EIF3L: variants seen among roughly 807,000 people sequenced by gnomAD.
EIF3L encodes the protein eIEF associated protein HSPC021.
Under a neutral mutation model 74.6 loss-of-function variants are expected in EIF3L, and 32 were observed. The observed-to-expected ratio is 0.43, with a 90% CI of 0.32 to 0.58. EIF3L has a LOEUF of 0.58. EIF3L is among the 20% of genes least tolerant of loss of function. The pLI is 0.06. For synonymous variants in EIF3L, 256 were observed against 254.4 expected, an observed-to-expected ratio of 1.01 and a Z score of -0.06; for missense variants, 474 against 707.8, an observed-to-expected ratio of 0.67 and a Z score of 3.75.
intron 10 of EIF3L, 200 bp downstream of exon 10, chr22:37,876,211 C>T (rs1380053566): frequency 3.7e-6 from 2 of 541,480 alleles, no homozygotes; most frequent in African/African-American, 3.8e-5. Flanking sequence ...CTCACGTCAG[C>T]CTCAACCTCC....
At position 37,888,699 on chromosome 22, in the gene EIF3L, G is replaced by A. The variant is rs1446875361; in HGVS notation, c.*235G>A. 3.6e-6 allele frequency: 2 copies of A among 555,362 alleles called. No homozygotes were observed. The highest frequency in any genetic ancestry group is 3.8e-5 in the African/African-American group (2 of 52,936). 34.4% of individuals were successfully genotyped at this position (555,362 alleles called of 1,614,324 possible). On this transcript the variant is annotated 3_prime_UTR_variant, in exon 13 of 13. Coordinates refer to ENST00000652021, the MANE Select transcript of EIF3L (RefSeq NM_016091.4). ...CAGTAATACATTTCCCATGTGTCCT[G>A]ATGCTTTCAGGATACATCAGTTGTT...
intron 11 of EIF3L, chr22:37,882,836 C>T (rs1464942368): frequency 6.6e-6 from 1 of 151,550 alleles, no homozygotes; most frequent in Non-Finnish European, 1.5e-5. Context: ...CCCATCTCTA[C>T]TAAAAATACA....
chr22:37,868,578 C>G (rs557374158), intron 7 of EIF3L, among the ~76,000 whole-genome samples: 1 of 149,674 alleles, frequency 6.7e-6, no homozygotes, highest in East Asian at 2.0e-4. Flanking sequence ...CTCAGCCTCC[C>G]GAGTAGCTGG....
At position 37,886,594 on chromosome 22, in the gene EIF3L, C is replaced by T. The variant is rs1927334164; in HGVS notation, c.1576-171C>T. The T allele has an allele frequency of 1.1e-5, 5 of 446,744 alleles. No homozygotes were observed. The Admixed American group carries it at 1.9e-4, about 17-fold the overall frequency. 27.7% of individuals were successfully genotyped at this position (446,744 alleles called of 1,614,324 possible). A position where few individuals can be genotyped will look rare whatever the true frequency, so the allele number is the denominator to read the frequency against. ...AAAAAAAAAAGAAAAGAAAAACTCT[C>T]TAGAAAGAGTGAGTTACTGTTAACT... On this transcript the variant is annotated intron_variant, in intron 11 of 12. Transcript: ENST00000652021.
chr22:37,878,294 G>C, intron 11 of EIF3L, 123 bp downstream of exon 11: 5 of 1,294,464 alleles, frequency 3.9e-6, no homozygotes, highest in Non-Finnish European at 5.2e-6. Flanking sequence ...GCTGCCACAA[G>C]GTGCCAGGTG....
At chr22:37,858,808 T>A in intron 5 of EIF3L, 68 bp downstream of exon 5, 2 of 1,355,940 alleles carry the variant, frequency 1.5e-6, no homozygotes, top group Non-Finnish European at 2.0e-6. Context: ...TTTTTGTCCC[T>A]AGAACACAGT....
chr22:37,866,342 C>A (rs1044056595), intron 7 of EIF3L, among the ~76,000 whole-genome samples: 1 of 152,154 alleles, frequency 6.6e-6, no homozygotes, highest in Non-Finnish European at 1.5e-5. Flanking sequence ...TTGTCAGTTT[C>A]CACAATTACA....
chr22:37,862,209 A>T (rs1037957628), intron 5 of EIF3L, among the ~76,000 whole-genome samples: 11 of 152,190 alleles, frequency 7.2e-5, no homozygotes, highest in African/African-American at 2.4e-4. Context: ...ACCTTGTGAG[A>T]ACCCCACAGT....
chr22:37,856,913 T>C (rs571198395), intron 4 of EIF3L, among the ~76,000 whole-genome samples: 145 of 151,376 alleles, frequency 9.6e-4, no homozygotes, highest in African/African-American at 2.9e-3. Context: ...TTTTTTTTTT[T>C]CCCCAAGATT....
chr22:37,886,879 T>C, intron 12 of EIF3L, 34 bp downstream of exon 12: 1 of 1,553,732 alleles, frequency 6.4e-7, no homozygotes, highest in African/African-American at 1.4e-5. Flanking sequence ...GTTTGTTGGC[T>C]CAGGACAGAG....
chr22:37,869,074 A>G (rs1211203333), intron 7 of EIF3L, among the ~76,000 whole-genome samples: 1 of 151,938 alleles, frequency 6.6e-6, no homozygotes, highest in Non-Finnish European at 1.5e-5. Context: ...CGTGCCTGGC[A>G]TATTCTTTGT....
intron 3 of EIF3L, among the ~76,000 whole-genome samples, chr22:37,853,172 A>G (rs1192831353): frequency 6.6e-6 from 1 of 152,176 alleles, no homozygotes; most frequent in Non-Finnish European, 1.5e-5. Context: ...CCTCACAAGA[A>G]AGAATTACAC....
chr22:37,853,409 A>G (rs894120039), intron 3 of EIF3L, among the ~76,000 whole-genome samples: 7 of 152,232 alleles, frequency 4.6e-5, no homozygotes, highest in Admixed American at 3.3e-4. Flanking sequence ...CTGAAAGGCA[A>G]GTGTGCTGAA....
At chr22:37,857,248 T>C (rs1601756372) in intron 4 of EIF3L, among the ~76,000 whole-genome samples, 1 of 151,070 alleles carries the variant, frequency 6.6e-6, no homozygotes, top group Non-Finnish European at 1.5e-5. Context: ...CGGGCACCTG[T>C]AGTCCCAGCT....
intron 11 of EIF3L, chr22:37,879,501 A>T (rs1297839876): frequency 6.6e-6 from 1 of 152,246 alleles, no homozygotes; most frequent in Admixed American, 6.6e-5. Context: ...CTCAAAAAAA[A>T]AAAAAATAGC....
intron 12 of EIF3L, chr22:37,888,218 GA>G (rs1184907566): frequency 1.8e-6 from 1 of 543,954 alleles, no homozygotes; most frequent in Non-Finnish European, 3.3e-6. Context: ...TGTTGAGTGT[GA>G]AGGGCAGATA....
intron 7 of EIF3L, among the ~76,000 whole-genome samples, chr22:37,865,751 C>T (rs532942366): frequency 1.3e-5 from 2 of 152,190 alleles, no homozygotes; most frequent in Non-Finnish European, 2.9e-5. Flanking sequence ...GCCTTGTTTG[C>T]CCTCTGGCTC....
intron 1 of EIF3L, 85 bp downstream of exon 1, chr22:37,849,567 T>C (rs1193719180): frequency 6.8e-7 from 1 of 1,469,854 alleles, no homozygotes; most frequent in Non-Finnish European, 9.2e-7. Context: ...CGAGGCAGCT[T>C]CCGGGTCGCG....
chr22:37,886,692 A>G (rs1286816950), intron 11 of EIF3L, 73 bp from the exon 12 acceptor site: 5 of 1,331,946 alleles, frequency 3.8e-6, no homozygotes, highest in African/African-American at 1.5e-5. Context: ...TTGCAAGTCC[A>G]TGGTGGCTCC....
Sources: allele counts gnomAD v4.1 joint callset (sites outside exome capture counted in the v4.1 genomes callset), GRCh38; gene constraint gnomAD v4.1.1; transcripts MANE v1.5; gene names NCBI Gene and HGNC (gene_info 2026-07-23, HGNC 2026-07-21).